CLSTN2: variants seen among roughly 807,000 people sequenced by gnomAD.
CLSTN2 encodes calsyntenin 2, also known as calsyntenin-2.
CLSTN2 carries 48 observed loss-of-function variants against 101.2 expected under a neutral mutation model. That is an observed-to-expected ratio of 0.47 (90% confidence interval 0.38 to 0.60). CLSTN2 has a LOEUF of 0.60. Ranked by LOEUF, CLSTN2 falls within the 20% of genes least tolerant of loss-of-function variation. The pLI is 0.00. For synonymous variants in CLSTN2, 481 were observed against 463.6 expected (o/e 1.04, Z -0.48); for missense variants, 1,160 against 1,238.2 (o/e 0.94, Z 0.95).
intron 2 of CLSTN2, among the ~76,000 whole-genome samples, chr3:140,380,379 G>A (rs1040089292): frequency 5.3e-5 from 8 of 152,200 alleles, no homozygotes; most frequent in African/African-American, 1.9e-4. Context: ...GTCCAGCCAG[G>A]TATAAATTGG....
intron 5 of CLSTN2, among the ~76,000 whole-genome samples, chr3:140,438,783 C>A (rs1002838725): frequency 6.6e-6 from 1 of 152,178 alleles, no homozygotes; most frequent in Non-Finnish European, 1.5e-5. Flanking sequence ...GAAGGATTGT[C>A]TTTCAGAAGG....
intron 1 of CLSTN2, among the ~76,000 whole-genome samples, chr3:139,987,820 A>T (rs1936052494): frequency 1.3e-5 from 2 of 152,176 alleles, no homozygotes; most frequent in Non-Finnish European, 2.9e-5. Flanking sequence ...ACCCCTGGGG[A>T]ATTCAGTCCC....
chr3:140,423,020 G>T (rs1292418235), intron 5 of CLSTN2, among the ~76,000 whole-genome samples: 4 of 152,160 alleles, frequency 2.6e-5, no homozygotes, highest in Non-Finnish European at 4.4e-5. Flanking sequence ...TATAAACTCT[G>T]TATGCATGAA....
chr3:140,395,716 C>T (rs2088174674), intron 2 of CLSTN2, among the ~76,000 whole-genome samples: 1 of 152,164 alleles, frequency 6.6e-6, no homozygotes, highest in Non-Finnish European at 1.5e-5. Context: ...GACATGATTA[C>T]CTCTTGATGT....
chr3:140,060,061 A>G (rs1225736288), intron 1 of CLSTN2, among the ~76,000 whole-genome samples: 1 of 152,128 alleles, frequency 6.6e-6, no homozygotes, highest in Non-Finnish European at 1.5e-5. Flanking sequence ...GATATAATAA[A>G]TCTTCTTCAT....
chr3:140,297,832 A>G (rs1011359809), intron 2 of CLSTN2, among the ~76,000 whole-genome samples: 1 of 152,216 alleles, frequency 6.6e-6, no homozygotes, highest in African/African-American at 2.4e-5. Context: ...TTCCATCATG[A>G]TGGCTCAACC....
intron 2 of CLSTN2, among the ~76,000 whole-genome samples, chr3:140,392,699 G>A (rs1373048510): frequency 1.3e-5 from 2 of 151,986 alleles, no homozygotes; most frequent in Admixed American, 1.3e-4. Flanking sequence ...TTGTGCCTAA[G>A]TTCCTAAAGA....
At chr3:140,200,864 C>T (rs1403208881) in intron 2 of CLSTN2, among the ~76,000 whole-genome samples, 1 of 152,088 alleles carries the variant, frequency 6.6e-6, no homozygotes, top group Non-Finnish European at 1.5e-5. Context: ...TCAGGTGTCA[C>T]CTCCTGTGTT....
intron 2 of CLSTN2, among the ~76,000 whole-genome samples, chr3:140,182,506 G>A (rs952288241): frequency 5.9e-5 from 9 of 152,106 alleles, no homozygotes; most frequent in African/African-American, 9.7e-5. Flanking sequence ...CTCGGACCTC[G>A]CAGCAGAGAT....
At chr3:140,274,012 G>T (rs1010715483) in intron 2 of CLSTN2, among the ~76,000 whole-genome samples, 2 of 152,120 alleles carry the variant, frequency 1.3e-5, no homozygotes, top group Non-Finnish European at 2.9e-5. Context: ...TTAAGCAAAG[G>T]TTACAGCTCA....
At chr3:140,125,906 T>C (rs1407676258) in intron 1 of CLSTN2, among the ~76,000 whole-genome samples, 1 of 151,930 alleles carries the variant, frequency 6.6e-6, no homozygotes, top group Non-Finnish European at 1.5e-5. Context: ...AATGAGGACA[T>C]GACAACATGA....
chr3:140,159,933 A>G (rs946951937), intron 1 of CLSTN2, among the ~76,000 whole-genome samples: 44 of 152,248 alleles, frequency 2.9e-4, no homozygotes, highest in African/African-American at 1.0e-3. Flanking sequence ...ATACTGTATG[A>G]TCTCACAAGT....
chr3:140,154,614 G>A (rs1221511608), intron 1 of CLSTN2, among the ~76,000 whole-genome samples: 1 of 150,584 alleles, frequency 6.6e-6, no homozygotes, highest in Non-Finnish European at 1.5e-5. Context: ...AATGGTAGCA[G>A]GAGAGAGAGA....
At chr3:140,555,420 C>T (rs182038672) in intron 10 of CLSTN2, among the ~76,000 whole-genome samples, 1 of 152,280 alleles carries the variant, frequency 6.6e-6, no homozygotes, top group East Asian at 1.9e-4. Flanking sequence ...CAATTTACCA[C>T]TAAGAAACTA....
At chr3:139,971,894 A>G (rs1935711340) in intron 1 of CLSTN2, among the ~76,000 whole-genome samples, 1 of 151,946 alleles carries the variant, frequency 6.6e-6, no homozygotes, top group Non-Finnish European at 1.5e-5. Context: ...GCAAAATGAA[A>G]CCTCTGGTAG....
intron 1 of CLSTN2, among the ~76,000 whole-genome samples, chr3:140,061,045 T>G (rs1319173384): frequency 1.3e-5 from 2 of 152,194 alleles, no homozygotes; most frequent in East Asian, 3.9e-4. Flanking sequence ...GAGAAGATAT[T>G]ACTTACTCAG....
intron 6 of CLSTN2, among the ~76,000 whole-genome samples, chr3:140,451,375 A>G (rs1576574826): frequency 6.6e-6 from 1 of 152,208 alleles, no homozygotes; most frequent in East Asian, 1.9e-4. Flanking sequence ...GCAGAAGGGC[A>G]GGTTAATTCA....
At chr3:139,938,168 G>A (rs1002082813) in intron 1 of CLSTN2, among the ~76,000 whole-genome samples, 1 of 150,814 alleles carries the variant, frequency 6.6e-6, no homozygotes, top group African/African-American at 2.4e-5. Context: ...AATCAGGAAG[G>A]CGTGTGAAGA....
intron 1 of CLSTN2, among the ~76,000 whole-genome samples, chr3:140,165,405 C>T (rs1260063716): frequency 1.3e-5 from 2 of 152,180 alleles, no homozygotes; most frequent in Non-Finnish European, 2.9e-5. Flanking sequence ...GAACTGTAGA[C>T]ATCGTCATGA....
Sources: gnomAD v4.1 joint callset for allele counts (sites outside exome capture counted in the v4.1 genomes callset) on GRCh38, gnomAD v4.1.1 for gene constraint, MANE v1.5 for transcripts, NCBI Gene and HGNC (gene_info 2026-07-23, HGNC 2026-07-21) for gene names.